CALHM4: variants seen among roughly 807,000 people sequenced by gnomAD.
CALHM4 encodes calcium homeostasis modulator protein 4.
In CALHM4, 16 loss-of-function variants were observed where a neutral mutation model predicts 13.3. The ratio of observed to expected loss-of-function variants is 1.20; its 90% CI spans 0.81 to 1.82. The LOEUF (loss-of-function observed/expected upper bound fraction) is 1.82, where lower values mean the gene tolerates loss of function less well. Among genes scored for constraint, CALHM4 ranks in the 40% most tolerant of loss-of-function variants. The probability of loss-of-function intolerance (pLI) is 0.00; values close to 1 mark genes in which losing one functional copy is unlikely to be tolerated. For synonymous variants in CALHM4, 127 were observed against 137.1 expected (o/e 0.93, Z 0.52); for missense variants, 344 against 374.9 (o/e 0.92, Z 0.68).
At chr6:116,550,724 G>T (rs1364452024), upstream of CALHM4, among the ~76,000 whole-genome samples, 1 of 151,848 alleles carries the variant, frequency 6.6e-6, no homozygotes, top group Non-Finnish European at 1.5e-5. Context: ...CTATGCGTTG[G>T]ATTTCTATTC....
At chr6:116,543,261 G>C in intron 1 of CALHM4, 1 of 1,454,774 alleles carries the variant, frequency 6.9e-7, no homozygotes, top group Middle Eastern at 1.7e-4. Context: ...GGTGATGTAA[G>C]AAACAACAGC....
chr6:116,535,870 T>C (rs2115212606), intron 1 of CALHM4, among the ~76,000 whole-genome samples: 1 of 152,350 alleles, frequency 6.6e-6, no homozygotes, highest in African/African-American at 2.4e-5. Context: ...AGCTGGCTTT[T>C]CTTACTATGT....
chr6:116,543,153 G>A (rs1379281084), intron 1 of CALHM4: 1 of 539,540 alleles, frequency 1.9e-6, no homozygotes, highest in Non-Finnish European at 3.1e-6. Context: ...AATGGCACTT[G>A]TAAGAAATTA....
Position 116,560,684 on chromosome 6 carries a change from T to A in CALHM4, c.*2473T>A, listed in dbSNP as rs1028567. 0.55 allele frequency among the ~76,000 whole-genome samples: 81,778 copies of A among 147,672 alleles called. 24,568 individuals are homozygous for A. The highest frequency in any genetic ancestry group is 0.89 in the East Asian group (4,422 of 4,960). ...GGGGGGCTATGGTCTATAGCATTTT[T>A]TTGCTCCACAGCTAGTTAAATGAAA... On this transcript the variant is annotated 3_prime_UTR_variant, in exon 2 of 2. Coordinates refer to ENST00000368596, the MANE Select transcript of CALHM4 (RefSeq NM_001366078.2).
chr6:116,557,798 G>A, intron 1 of CALHM4, 27 bp from the exon 2 acceptor site: 1 of 1,596,808 alleles, frequency 6.3e-7, no homozygotes, highest in Non-Finnish European at 8.6e-7. Flanking sequence ...GATACTTCCT[G>A]TTTTTCTTTT....
At chr6:116,530,931 A>ATATATATG (rs59690782) in intron 1 of CALHM4, among the ~76,000 whole-genome samples, 1 of 143,738 alleles carries the variant, frequency 7.0e-6, no homozygotes, top group East Asian at 2.0e-4. Flanking sequence ...ATATATATAT[A>ATATATATG]TATATATATA....
intron 1 of CALHM4, among the ~76,000 whole-genome samples, chr6:116,530,653 T>C (rs977916197): frequency 5.3e-5 from 8 of 152,246 alleles, no homozygotes; most frequent in African/African-American, 1.9e-4. Context: ...GCATTAACAA[T>C]GTGGTTTCAC....
intron 1 of CALHM4, among the ~76,000 whole-genome samples, chr6:116,541,643 T>G (rs1773470850): frequency 6.6e-6 from 1 of 152,206 alleles, no homozygotes; most frequent in South Asian, 2.1e-4. Flanking sequence ...TGGTTTATAA[T>G]TTCAGCCAAG....
At chr6:116,545,068 G>C (rs924775564) in intron 2 of CALHM4, among the ~76,000 whole-genome samples, 2 of 151,110 alleles carry the variant, frequency 1.3e-5, no homozygotes, top group Non-Finnish European at 2.9e-5. Flanking sequence ...GACCTATTTC[G>C]ATTCAGTTTT....
intron 1 of CALHM4, chr6:116,543,319 G>T (rs1468702724): frequency 3.9e-6 from 6 of 1,548,774 alleles, no homozygotes; most frequent in Non-Finnish European, 5.2e-6. Context: ...TCTAAATATT[G>T]GTTCACATCT....
chr6:116,549,262 G>A (rs1173682257), upstream of CALHM4, among the ~76,000 whole-genome samples: 1 of 152,080 alleles, frequency 6.6e-6, no homozygotes, highest in Non-Finnish European at 1.5e-5. Flanking sequence ...CTCCATCCTG[G>A]GTGACAGAGT....
chr6:116,559,831 T>A lies in CALHM4; in HGVS notation c.*1620T>A, dbSNP rs1446270865. On this transcript the variant is annotated 3_prime_UTR_variant, in exon 2 of 2. Coordinates refer to ENST00000368596, the MANE Select transcript of CALHM4 (RefSeq NM_001366078.2). The stretch of plus-strand genomic sequence containing the variant: ...TGCATACATCTTTCTGAAATGGTAG[T>A]AGACCCACGTTGCTTCTCTTGGAAG... 1.3e-5 allele frequency among the ~76,000 whole-genome samples: 2 copies of A among 152,204 alleles called. No individual in the cohort carries two copies. Among genetic ancestry groups the A allele is most frequent in the Non-Finnish European group, 2.9e-5 (2 of 68,024 alleles).
intron 1 of CALHM4, among the ~76,000 whole-genome samples, chr6:116,555,467 G>A (rs573349986): frequency 3.9e-5 from 6 of 152,114 alleles, no homozygotes; most frequent in Non-Finnish European, 8.8e-5. Context: ...GAGTACCATT[G>A]CCAGTAGATT....
chr6:116,539,727 G>A (rs576986835), intron 1 of CALHM4, among the ~76,000 whole-genome samples: 9 of 152,200 alleles, frequency 5.9e-5, no homozygotes, highest in African/African-American at 2.2e-4. Context: ...GATCAGTTTT[G>A]TAAACCTGGA....
chr6:116,532,142 C>G (rs1004924251), intron 1 of CALHM4, among the ~76,000 whole-genome samples: 45 of 152,286 alleles, frequency 3.0e-4, no homozygotes, highest in African/African-American at 1.1e-3. Context: ...TAGTATTGAG[C>G]AGACAGGGTA....
At position 116,557,848 on chromosome 6, in the gene CALHM4, C is replaced by T. The variant is rs1774400052; in HGVS notation, c.582C>T (p.Thr194=). 1.9e-6 allele frequency: 3 copies of T among 1,613,738 alleles called. No homozygotes were observed. Among genetic ancestry groups the T allele is most frequent in the Non-Finnish European group, 2.5e-6 (3 of 1,179,798 alleles). ...AGATGCTGGGTTGGATTTTGATCAC[C>T]TTGGCAACCATTGCTGCCTTAGTCT... The part of the protein sequence containing the change: ...QSQMLGWILI[T]LATIAALVSC... Residue 194 remains threonine (T), a synonymous_variant, in exon 2 of 2, where the codon ACC becomes ACT. Transcript: ENST00000368596.
At chr6:116,549,692 C>T (rs1034300236), upstream of CALHM4, among the ~76,000 whole-genome samples, 7 of 151,522 alleles carry the variant, frequency 4.6e-5, no homozygotes, top group Admixed American at 4.6e-4. Flanking sequence ...AAATATCTCT[C>T]CAGCCAGACG....
chr6:116,536,993 T>A (rs1466494600), intron 1 of CALHM4, among the ~76,000 whole-genome samples: 1 of 152,206 alleles, frequency 6.6e-6, no homozygotes, highest in Non-Finnish European at 1.5e-5. Context: ...ATAACTAAAG[T>A]CTGACCTTTC....
chr6:116,558,381 C>T lies in CALHM4; in HGVS notation c.*170C>T. 1.2e-6 allele frequency: 1 copy of T among 830,530 alleles called. No homozygotes were observed. The highest frequency in any genetic ancestry group is 1.7e-6 in the Non-Finnish European group (1 of 575,684). 51.4% of individuals were successfully genotyped at this position (830,530 alleles called of 1,614,324 possible). Reference sequence around the variant, plus strand: ...AAAATCAATCTATTAGATAATTGTGCCAATCTCTCATTTTGAAATTTTGCC... The same window carrying T: ...AAAATCAATCTATTAGATAATTGTGTCAATCTCTCATTTTGAAATTTTGCC... On this transcript the variant is annotated 3_prime_UTR_variant, in exon 2 of 2. Transcript: ENST00000368596.
Sources: allele counts gnomAD v4.1 joint callset (sites outside exome capture counted in the v4.1 genomes callset), GRCh38; gene constraint gnomAD v4.1.1; transcripts MANE v1.5; gene names NCBI Gene and HGNC (gene_info 2026-07-23, HGNC 2026-07-21).